The following CEP290 variants were observed in gnomAD, a reference collection of about 807,000 sequenced individuals.
The protein encoded by CEP290 is centrosomal protein of 290 kDa.
In CEP290, 317 loss-of-function variants were observed where a neutral mutation model predicts 344.9. The observed-to-expected ratio is 0.92, with a 90% confidence interval of 0.84 to 1.01. The LOEUF (loss-of-function observed/expected upper bound fraction) is 1.01. CEP290 is among the 50% of genes least tolerant of loss of function. The probability of loss-of-function intolerance (pLI) is 0.00; values close to 1 mark genes in which losing one functional copy is unlikely to be tolerated. For synonymous variants in CEP290, 932 were observed against 895.8 expected, an observed-to-expected ratio of 1.04 and a Z score of -0.72; for missense variants, 2,754 against 2,761.4, an observed-to-expected ratio of 1.00 and a Z score of 0.06.
chr12:88,080,406 T>C lies in CEP290; in HGVS notation c.5013-11A>G, dbSNP rs1432675462. ...TGGTTTTCTTGAAGCCTGATGTAAATAAACATATGTGTGTGTGTGTTTTTT... is the reference window on the plus strand; with the variant it reads ...TGGTTTTCTTGAAGCCTGATGTAAACAAACATATGTGTGTGTGTGTTTTTT... On this transcript the variant is annotated splice_polypyrimidine_tract_variant and intron_variant, in intron 37 of 53. Transcript: ENST00000552810. The C allele has an allele frequency of 1.9e-6, 3 of 1,589,626 alleles. No individual in the cohort carries two copies. Among genetic ancestry groups the C allele is most frequent in the East Asian group, 2.2e-5 (1 of 44,704 alleles).
intron 30 of CEP290, among the ~76,000 whole-genome samples, chr12:88,090,398 A>C (rs1324678404): frequency 6.6e-6 from 1 of 152,144 alleles, no homozygotes; most frequent in East Asian, 1.9e-4. Flanking sequence ...CTGGGAAGTC[A>C]AGGTGGGCAG....
At chr12:88,099,700 T>A (rs183833471) in intron 26 of CEP290, among the ~76,000 whole-genome samples, 12 of 152,080 alleles carry the variant, frequency 7.9e-5, no homozygotes, top group Admixed American at 7.9e-4. Flanking sequence ...TAATAATATA[T>A]TTTTTAAGTA....
In CEP290 at chr12:88,083,850, A is replaced by T; in HGVS notation, c.4809T>A (p.Ala1603=). The T allele has an allele frequency of 6.4e-7, 1 of 1,560,416 alleles. No individual in the cohort carries two copies. The highest frequency in any genetic ancestry group is 1.7e-4 in the Middle Eastern group (1 of 5,962). ...AACAAAGTTCTTAGAATCTTACCCAAGCCGTTTGTTTGAATTTATTTAGTG... is the reference window on the plus strand; with the variant it reads ...AACAAAGTTCTTAGAATCTTACCCATGCCGTTTGTTTGAATTTATTTAGTG... ...DSSLNKFKQT[A]WDLMKQSPTP... Residue 1603 remains alanine, a synonymous_variant, in exon 36 of 54, where the codon GCT becomes GCA. Transcript: ENST00000552810.
intron 5 of CEP290, among the ~76,000 whole-genome samples, chr12:88,137,139 A>C (rs559775875): frequency 4.6e-5 from 7 of 152,120 alleles, no homozygotes; most frequent in Admixed American, 6.5e-5. Context: ...CACCCCAGTC[A>C]GTGAAGCTGA....
At chr12:88,130,587 C>A in intron 7 of CEP290, 22 bp from the exon 8 acceptor site, 2 of 1,541,908 alleles carry the variant, frequency 1.3e-6, no homozygotes, top group South Asian at 1.3e-5. Flanking sequence ...GACAGGAAAA[C>A]GGTAATTAGA....
chr12:88,056,752 A>AAGC (rs1432744302), intron 49 of CEP290, among the ~76,000 whole-genome samples: 1 of 152,180 alleles, frequency 6.6e-6, no homozygotes, highest in African/African-American at 2.4e-5. Flanking sequence ...ATAAATAATA[A>AAGC]AGCAACTATA....
chr12:88,104,535 T>C (rs1340223177), intron 25 of CEP290, among the ~76,000 whole-genome samples: 1 of 151,930 alleles, frequency 6.6e-6, no homozygotes, highest in East Asian at 1.9e-4. Context: ...TTAAATATTT[T>C]GCATATATAA....
At chr12:88,101,658 C>A (rs2037896369) in intron 26 of CEP290, among the ~76,000 whole-genome samples, 2 of 111,046 alleles carry the variant, frequency 1.8e-5, no homozygotes, top group African/African-American at 6.7e-5. Context: ...AACTCCATCT[C>A]AAAAAAAAAA....
intron 25 of CEP290, among the ~76,000 whole-genome samples, chr12:88,104,889 T>C (rs1265139603): frequency 1.3e-5 from 2 of 152,064 alleles, no homozygotes; most frequent in Non-Finnish European, 2.9e-5. Flanking sequence ...AAAATACAAG[T>C]GCAAAATCAA....
Position 88,068,646 on chromosome 12 carries a change from C to A in CEP290, c.6012-1G>T. 1 of 1,593,608 alleles carries A rather than the reference C, an allele frequency of 6.3e-7. No individual in the cohort carries two copies. The highest frequency in any genetic ancestry group is 8.5e-7 in the Non-Finnish European group (1 of 1,173,272). On this transcript the variant is annotated splice_acceptor_variant, in intron 43 of 53. Transcript: ENST00000552810. LOFTEE classifies it high-confidence loss of function. Reference sequence around the variant, plus strand: ...ATCTCGAGGAAGAGCTTGGTGGGCCCTATGAACAACAATCACAGACTCTTT... The same window carrying A: ...ATCTCGAGGAAGAGCTTGGTGGGCCATATGAACAACAATCACAGACTCTTT...
rs773591434 is a variant in CEP290, at chr12:88,130,404, T to C, written c.533A>G (p.Gln178Arg). ...TTGTTTCTGGTAGTCAATAATATCC[T>C]GACAAAGTTGTTCATTCTGAAGGTA... ...RLKKKNEQLC[Q>R]DIIDYQKQID... Residue 178 changes from glutamine (Q) to arginine (R), a missense_variant, in exon 9 of 54, where the codon CAG becomes CGG. Physicochemically the swap from Gln to Arg is conservative, Grantham distance 43. Coordinates refer to ENST00000552810, the MANE Select transcript of CEP290 (RefSeq NM_025114.4). 2 of 1,603,956 alleles carry C rather than the reference T, an allele frequency of 1.2e-6. No homozygotes were observed. The highest frequency in any genetic ancestry group is 3.5e-5 in the Admixed American group (2 of 57,680).
chr12:88,139,923 C>T (rs535126978), intron 3 of CEP290, among the ~76,000 whole-genome samples: 7 of 151,910 alleles, frequency 4.6e-5, no homozygotes, highest in Admixed American at 6.6e-5. Flanking sequence ...CCATCATGCT[C>T]GGCAAATTTT....
At chr12:88,065,758 T>C (rs1398945754) in intron 44 of CEP290, among the ~76,000 whole-genome samples, 3 of 152,224 alleles carry the variant, frequency 2.0e-5, no homozygotes, top group Non-Finnish European at 4.4e-5. Context: ...TTTTAACACA[T>C]TTCTCACTAA....
At chr12:88,056,831 G>T (rs2034046074) in intron 49 of CEP290, among the ~76,000 whole-genome samples, 2 of 152,284 alleles carry the variant, frequency 1.3e-5, no homozygotes, top group Middle Eastern at 6.8e-3. Context: ...GCTTTATTGA[G>T]AAGGGTATAT....
At chr12:88,100,826 G>A (rs2037811913) in intron 26 of CEP290, among the ~76,000 whole-genome samples, 1 of 152,118 alleles carries the variant, frequency 6.6e-6, no homozygotes, top group South Asian at 2.1e-4. Flanking sequence ...AATTCACTGA[G>A]CAAAACAACT....
chr12:88,107,612 A>C (rs1318108976), intron 23 of CEP290, among the ~76,000 whole-genome samples: 1 of 136,372 alleles, frequency 7.3e-6, no homozygotes, highest in East Asian at 2.1e-4. Context: ...TTCTTAGTGC[A>C]AAAAAAAAAA....
intron 7 of CEP290, among the ~76,000 whole-genome samples, 152 bp downstream of exon 7, chr12:88,131,013 T>A (rs1338052074): frequency 6.6e-6 from 1 of 152,128 alleles, no homozygotes; most frequent in Non-Finnish European, 1.5e-5. Context: ...GTTTTCTATT[T>A]CCCTGAGACA....
chr12:88,054,385 C>T lies in CEP290; in HGVS notation c.6989G>A (p.Gly2330Asp), dbSNP rs746362703. The T allele has an allele frequency of 6.8e-6, 11 of 1,611,068 alleles. No individual in the cohort carries two copies. Among genetic ancestry groups the T allele is most frequent in the East Asian group, 2.2e-5 (1 of 44,782 alleles). ...QIKILKHVPE[G>D]AETEQGLKRE... ...TTTAAGGCCTTGCTCTGTCTCAGCA[C>T]CTTCAGGAACATGTTTAAGAATCTT... The change falls in exon 51 of 54, where the codon GGT becomes GAT. Residue 2330 changes from glycine (G) to aspartate (D), a missense_variant. Gly to Asp is a moderately conservative substitution (Grantham distance 94). Transcript: ENST00000552810.
chr12:88,137,133 C>T (rs1565926436), intron 5 of CEP290, among the ~76,000 whole-genome samples: 1 of 152,062 alleles, frequency 6.6e-6, no homozygotes, highest in Non-Finnish European at 1.5e-5. Context: ...AATCTCCACC[C>T]CAGTCAGTGA....
Sources: gnomAD v4.1 joint callset for allele counts (sites outside exome capture counted in the v4.1 genomes callset) on GRCh38, gnomAD v4.1.1 for gene constraint, MANE v1.5 for transcripts, NCBI Gene and HGNC (gene_info 2026-07-23, HGNC 2026-07-21) for gene names.